VWF: variants seen among roughly 807,000 people sequenced by gnomAD.
VWF encodes the protein von Willebrand factor.
In VWF, 176 loss-of-function variants were observed where a neutral mutation model predicts 308.6. The observed-to-expected ratio is 0.57, with a 90% CI of 0.50 to 0.65. VWF has a LOEUF of 0.65. Ranked by LOEUF, VWF falls within the 30% of genes least tolerant of loss-of-function variation. The pLI is 0.00. For missense variants in VWF, 3,146 were observed against 3,648.2 expected, an observed-to-expected ratio of 0.86 and a Z score of 3.55; for synonymous variants, 1,385 against 1,443.4, an observed-to-expected ratio of 0.96 and a Z score of 0.92.
In VWF at chr12:5,985,101, C is replaced by T. The variant is rs1317722592; in HGVS notation, c.6920G>A (p.Cys2307Tyr). The change falls in exon 40 of 52, where the codon TGT becomes TAT. Residue 2307 changes from cysteine (C) to tyrosine (Y), a missense_variant. Coordinates refer to ENST00000261405, the MANE Select transcript of VWF (RefSeq NM_000552.5). ...PTAKAPTCGL[C>Y]EVARLRQNAD... Reference sequence around the variant, plus strand: ...ATTCTGGCGGAGGCGGGCTACTTCACACAGGCCACACGTGGGAGCTAGAGG... The same window carrying T: ...ATTCTGGCGGAGGCGGGCTACTTCATACAGGCCACACGTGGGAGCTAGAGG... 5 of 1,614,216 alleles carry T rather than the reference C, an allele frequency of 3.1e-6. No homozygotes were observed. The highest frequency in any genetic ancestry group is 4.2e-6 in the Non-Finnish European group (5 of 1,180,044).
chr12:6,121,931 G>A (rs938521541), intron 2 of VWF, among the ~76,000 whole-genome samples: 9 of 142,652 alleles, frequency 6.3e-5, no homozygotes, highest in Admixed American at 4.3e-4. Flanking sequence ...ACTCTGTCTC[G>A]AAAAAAAAAA....
At chr12:5,983,360 T>G in intron 40 of VWF, 106 bp from the exon 41 acceptor site, 2 of 1,096,590 alleles carry the variant, frequency 1.8e-6, no homozygotes, top group Non-Finnish European at 2.7e-6. Flanking sequence ...TCTACTGTTT[T>G]AGGTAAGTGA....
Position 5,976,101 on chromosome 12 carries a change from C to A in VWF, c.7437+10G>T. 2.5e-6 allele frequency: 4 copies of A among 1,613,586 alleles called. No homozygotes were observed. The highest frequency in any genetic ancestry group is 3.4e-6 in the Non-Finnish European group (4 of 1,180,034). On this transcript the variant is annotated intron_variant, in intron 43 of 51. Transcript: ENST00000261405. The stretch of plus-strand genomic sequence containing the variant: ...TAGCTGCAGGCATGCCCAGCCCCTG[C>A]CCCACTCACCGACCGACAGCTGTCC...
chr12:6,105,602 C>G (rs1184876688), intron 5 of VWF, among the ~76,000 whole-genome samples: 1 of 152,078 alleles, frequency 6.6e-6, no homozygotes, highest in East Asian at 1.9e-4. Context: ...TCAAATTTTT[C>G]TCCTTTTAAG....
At chr12:6,112,038 GTTTAA>G (rs1403309273) in intron 3 of VWF, among the ~76,000 whole-genome samples, 1 of 152,180 alleles carries the variant, frequency 6.6e-6, no homozygotes, top group Non-Finnish European at 1.5e-5. Context: ...TGGGCTGTTT[GTTTAA>G]AATGGAGATT....
intron 37 of VWF, among the ~76,000 whole-genome samples, chr12:5,992,940 C>T (rs564205547): frequency 3.3e-5 from 5 of 152,274 alleles, no homozygotes; most frequent in Non-Finnish European, 5.9e-5. Flanking sequence ...CAGTATCATC[C>T]ACATGGCCTC....
At chr12:6,009,111 T>C (rs1257950396) in intron 34 of VWF, among the ~76,000 whole-genome samples, 1 of 152,016 alleles carries the variant, frequency 6.6e-6, no homozygotes, top group African/African-American at 2.4e-5. Context: ...AAAAAGCTTC[T>C]GTGCAGCCAA....
intron 47 of VWF, among the ~76,000 whole-genome samples, chr12:5,963,472 A>C (rs117343203): frequency 5.3e-4 from 81 of 152,364 alleles, no homozygotes; most frequent in Admixed American, 1.2e-3. Context: ...ACAATGGCTA[A>C]AATTGAAAAG....
chr12:5,961,121 A>G (rs1943309809), intron 47 of VWF, among the ~76,000 whole-genome samples: 1 of 152,202 alleles, frequency 6.6e-6, no homozygotes, highest in Non-Finnish European at 1.5e-5. Flanking sequence ...ACTGTCTCCC[A>G]TCGCCCCTAG....
chr12:5,977,095 C>T (rs1341669436), intron 42 of VWF, among the ~76,000 whole-genome samples: 1 of 152,180 alleles, frequency 6.6e-6, no homozygotes. Context: ...GTATAATGAA[C>T]TTATTGAATG....
At chr12:5,983,542 T>C (rs1032666353) in intron 40 of VWF, among the ~76,000 whole-genome samples, 7 of 151,768 alleles carry the variant, frequency 4.6e-5, no homozygotes, top group African/African-American at 1.7e-4. Context: ...GATAGATAGA[T>C]GGATGATAGA....
intron 44 of VWF, 23 bp downstream of exon 44, chr12:5,971,576 C>A: frequency 6.2e-7 from 1 of 1,601,304 alleles, no homozygotes; most frequent in Non-Finnish European, 8.6e-7. Context: ...GCCCTCCTCC[C>A]CGTCCCGGGG....
intron 5 of VWF, among the ~76,000 whole-genome samples, chr12:6,099,827 C>A (rs1216442973): frequency 6.6e-6 from 1 of 152,138 alleles, no homozygotes; most frequent in Non-Finnish European, 1.5e-5. Flanking sequence ...AGGACATAGG[C>A]ATGGGCAAGA....
At chr12:5,977,455 A>G (rs1328259143) in intron 42 of VWF, among the ~76,000 whole-genome samples, 1 of 152,262 alleles carries the variant, frequency 6.6e-6, no homozygotes, top group Non-Finnish European at 1.5e-5. Context: ...TCCATCAAAT[A>G]TTGTTAAATG....
intron 34 of VWF, among the ~76,000 whole-genome samples, chr12:6,000,653 A>AG (rs1404708384): frequency 6.6e-6 from 1 of 151,728 alleles, no homozygotes; most frequent in Non-Finnish European, 1.5e-5. Flanking sequence ...AAAAAAAAAA[A>AG]TACGAAAAAT....
At position 5,990,898 on chromosome 12, in the gene VWF, AAAAAAAAAAAT is replaced by A. The variant is rs1182267933; in HGVS notation, c.6798+910_6798+920del. Among the ~76,000 whole-genome samples, 24 of 40,394 alleles carry A rather than the reference AAAAAAAAAAAT, an allele frequency of 5.9e-4. 2 individuals carry two copies. The highest frequency in any genetic ancestry group is 1.3e-3 in the Admixed American group (4 of 3,108). The allele number at this position is 40,394 out of a possible 152,430, so 26.5% of individuals were successfully genotyped here. Reference sequence around the variant, plus strand: ...AAAAAAAAAAAAAAAAAAAAAAAAAAAAAAAAAAAATTTTGATGACTCAGTGACTCCCAAGC... The same window carrying A: ...AAAAAAAAAAAAAAAAAAAAAAAAAATTTGATGACTCAGTGACTCCCAAGC... On this transcript the variant is annotated intron_variant, in intron 38 of 51. Coordinates refer to ENST00000261405, the MANE Select transcript of VWF (RefSeq NM_000552.5).
intron 47 of VWF, among the ~76,000 whole-genome samples, chr12:5,955,180 A>T (rs932644488): frequency 4.6e-5 from 7 of 152,178 alleles, no homozygotes; most frequent in Non-Finnish European, 1.0e-4. Context: ...ATATAAACAG[A>T]CACAGAAATG....
At chr12:6,037,412 A>C (rs917742586) in intron 18 of VWF, among the ~76,000 whole-genome samples, 1 of 152,168 alleles carries the variant, frequency 6.6e-6, no homozygotes, top group African/African-American at 2.4e-5. Context: ...CCTCCTGCCC[A>C]GTCTCCCGTA....
At chr12:6,082,893 A>G (rs2136483550) in intron 6 of VWF, among the ~76,000 whole-genome samples, 1 of 152,334 alleles carries the variant, frequency 6.6e-6, no homozygotes, top group Non-Finnish European at 1.5e-5. Context: ...CAAACCACAA[A>G]TTACAGTTTT....
Sources: gnomAD v4.1 joint callset for allele counts (sites outside exome capture counted in the v4.1 genomes callset) on GRCh38, gnomAD v4.1.1 for gene constraint, MANE v1.5 for transcripts, NCBI Gene and HGNC (gene_info 2026-07-23, HGNC 2026-07-21) for gene names.